The following PKDREJ variants were observed in gnomAD, a reference collection of about 807,000 sequenced individuals.
The protein encoded by PKDREJ is PKD and REJ homolog.
For synonymous variants in PKDREJ, 1,031 were observed against 1,095.5 expected, an observed-to-expected ratio of 0.94 and a Z score of 1.16; for missense variants, 2,507 against 2,807.2, an observed-to-expected ratio of 0.89 and a Z score of 2.42.
In PKDREJ at chr22:46,256,238, T is replaced by A; in HGVS notation, c.*323A>T. On this transcript the variant is annotated 3_prime_UTR_variant, in exon 1 of 1. Coordinates refer to ENST00000253255, the MANE Select transcript of PKDREJ (RefSeq NM_006071.2). The surrounding 1 kb of genome is among the most constrained non-coding windows in gnomAD (Gnocchi z 5.3). ...AAATCTGGTTCTCAAAACCAGTGGC[T>A]CTGCCTTCTCTAAACTGCAGGCACC... 1 of 277,198 alleles carries A rather than the reference T, an allele frequency of 3.6e-6. No individual in the cohort carries two copies. The highest frequency in any genetic ancestry group is 2.2e-5 in the African/African-American group (1 of 45,058). The allele number at this position is 277,198 out of a possible 1,614,324, so 17.2% of individuals were successfully genotyped here. A position where few individuals can be genotyped will look rare whatever the true frequency, so the allele number is the denominator to read the frequency against.
rs753131621 is a variant in PKDREJ at position 46,262,774 on chromosome 22, G to A, written c.549C>T (p.Cys183=). The A allele has an allele frequency of 6.4e-7, 1 of 1,560,948 alleles. No homozygotes were observed. The highest frequency in any genetic ancestry group is 8.7e-7 in the Non-Finnish European group (1 of 1,154,730). Residue 183 remains cysteine (C), a synonymous_variant, in exon 1 of 1, where the codon TGC becomes TGT. Transcript: ENST00000253255. The surrounding 1 kb of genome is among the most constrained non-coding windows in gnomAD (Gnocchi z 8.1). The part of the protein sequence containing the change: ...PQQGFVARTE[C]PTDGPARVML... The stretch of plus-strand genomic sequence containing the variant: ...TCACGCGCGCGGGGCCGTCTGTGGG[G>A]CACTCGGTGCGGGCCACGAAGCCCT...
At position 46,259,080 on chromosome 22, in the gene PKDREJ, G is replaced by A; in HGVS notation, c.4243C>T (p.Gln1415Ter). The A allele has an allele frequency of 1.9e-6, 3 of 1,613,456 alleles. No individual in the cohort carries two copies. Among genetic ancestry groups the A allele is most frequent in the Non-Finnish European group, 2.5e-6 (3 of 1,179,650 alleles). ...IMFFNLNRQE[Q>*]TESRERKYMR... ...TATTTCCTCTCTCTTGACTCAGTTT[G>A]TTCTTGTCTATTTAGATTAAAGAAC... The change falls in exon 1 of 1, where the codon CAA (glutamine) becomes TAA (stop). Residue 1415 changes from glutamine to a stop codon, truncating the protein, a stop_gained. Transcript: ENST00000253255. LOFTEE classifies it low-confidence loss of function (END_TRUNC). The surrounding 1 kb of genome is among the most constrained non-coding windows in gnomAD (Gnocchi z 6.8).
chr22:46,257,990 G>A lies in PKDREJ; in HGVS notation c.5333C>T (p.Pro1778Leu). The A allele has an allele frequency of 6.2e-7, 1 of 1,614,014 alleles. No individual in the cohort carries two copies. The highest frequency in any genetic ancestry group is 8.5e-7 in the Non-Finnish European group (1 of 1,179,986). Reference sequence around the variant, plus strand: ...AGACGAGCTTTCAGGAAGAAATGTTGGATTCAGGTCATTGTGTAACAAAGG... The same window carrying A: ...AGACGAGCTTTCAGGAAGAAATGTTAGATTCAGGTCATTGTGTAACAAAGG... The part of the protein sequence containing the change: ...LLPLLHNDLN[P>L]TFLPESSSKI... Residue 1778 changes from proline (P) to leucine (L), a missense_variant, in exon 1 of 1, where the codon CCA becomes CTA. Pro to Leu is a moderately conservative substitution (Grantham distance 98). Transcript: ENST00000253255. The surrounding 1 kb of genome is among the most constrained non-coding windows in gnomAD (Gnocchi z 4.7).
Position 46,258,391 on chromosome 22 carries a change from G to A in PKDREJ, c.4932C>T (p.Cys1644=). Residue 1644 remains cysteine, a synonymous_variant, in exon 1 of 1, where the codon TGC becomes TGT. Transcript: ENST00000253255. The surrounding 1 kb of genome is among the most constrained non-coding windows in gnomAD (Gnocchi z 6.1). ...SGFRTNKPKY[C]KNLSWSTKYK... is the part of the protein sequence containing the mutation. Reference sequence around the variant, plus strand: ...ACTTGGTTGACCATGAAAGGTTTTTGCAATACTTGGGTTTATTCGTTCTGA... The same window carrying A: ...ACTTGGTTGACCATGAAAGGTTTTTACAATACTTGGGTTTATTCGTTCTGA... 6.2e-7 allele frequency: 1 copy of A among 1,614,058 alleles called. No individual in the cohort carries two copies. The highest frequency in any genetic ancestry group is 8.5e-7 in the Non-Finnish European group (1 of 1,180,018).
Sources: allele counts gnomAD v4.1 joint callset, GRCh38; gene constraint gnomAD v4.1.1; non-coding constraint Gnocchi (gnomAD v3.1); transcripts MANE v1.5; gene names NCBI Gene and HGNC (gene_info 2026-07-23, HGNC 2026-07-21).